CWF19L2: variants seen among roughly 807,000 people sequenced by gnomAD.
CWF19L2 encodes CWF19-like protein 2.
Under a neutral mutation model 111.7 loss-of-function variants are expected in CWF19L2, and 98 were observed. The observed-to-expected ratio is 0.88, with a 90% CI of 0.75 to 1.04. CWF19L2 has a LOEUF of 1.04. Ranked by LOEUF, CWF19L2 falls within the 50% of genes least tolerant of loss-of-function variation. CWF19L2 has a pLI of 0.00. For missense variants in CWF19L2, 1,101 were observed against 1,051.4 expected, an observed-to-expected ratio of 1.05 and a Z score of -0.65; for synonymous variants, 351 against 342.9, an observed-to-expected ratio of 1.02 and a Z score of -0.26.
chr11:107,446,918 A>G (rs1861709221), intron 3 of CWF19L2, among the ~76,000 whole-genome samples: 1 of 152,078 alleles, frequency 6.6e-6, no homozygotes, highest in Non-Finnish European at 1.5e-5. Context: ...ATTAACTATC[A>G]AGCTTAATAC....
chr11:107,344,432 T>C (rs1860048740), intron 14 of CWF19L2, among the ~76,000 whole-genome samples: 1 of 152,236 alleles, frequency 6.6e-6, no homozygotes, highest in South Asian at 2.1e-4. Context: ...TTCTCTTTGT[T>C]TTCCATTACC....
In CWF19L2 at chr11:107,416,191, CAA is replaced by C; in HGVS notation, c.1617+16_1617+17del. On this transcript the variant is annotated intron_variant, in intron 10 of 17. Coordinates refer to ENST00000282251, the MANE Select transcript of CWF19L2 (RefSeq NM_152434.3). Reference sequence around the variant, plus strand: ...GTTTACACAAGGTAATTACATTCTCCAAACTTTTATTACTTACCTCTACCCCA... The same window carrying C: ...GTTTACACAAGGTAATTACATTCTCCACTTTTATTACTTACCTCTACCCCA... The C allele has an allele frequency of 9.7e-7, 1 of 1,027,812 alleles. No homozygotes were observed. The highest frequency in any genetic ancestry group is 3.2e-5 in the East Asian group (1 of 31,660). 63.7% of individuals were successfully genotyped at this position (1,027,812 alleles called of 1,614,324 possible).
intron 4 of CWF19L2, among the ~76,000 whole-genome samples, chr11:107,441,930 C>T (rs1861624203): frequency 6.6e-6 from 1 of 152,228 alleles, no homozygotes; most frequent in African/African-American, 2.4e-5. Flanking sequence ...AGTTCCTGTT[C>T]ACCTTTCTTC....
rs528120486 is a variant in CWF19L2 at position 107,402,432 on chromosome 11, C to A, written c.1618-9537G>T. Among the ~76,000 whole-genome samples, 9 of 149,164 alleles carry A rather than the reference C, an allele frequency of 6.0e-5. No individual in the cohort carries two copies. The East Asian group carries it at 1.8e-3, about 29-fold the overall frequency. ...AAAGTGGGCTAAGGATATGAATAGACAATTCTCAAAAGGAGATATACAAAT... is the reference window on the plus strand; with the variant it reads ...AAAGTGGGCTAAGGATATGAATAGAAAATTCTCAAAAGGAGATATACAAAT... On this transcript the variant is annotated intron_variant, in intron 10 of 17. Transcript: ENST00000282251.
chr11:107,351,906 A>C (rs1860161166), intron 13 of CWF19L2, among the ~76,000 whole-genome samples: 2 of 152,232 alleles, frequency 1.3e-5, no homozygotes, highest in African/African-American at 2.4e-5. Context: ...CATACAAAAC[A>C]GAATGATTTA....
intron 10 of CWF19L2, chr11:107,403,560 C>G (rs1861036719): frequency 1.3e-6 from 1 of 794,816 alleles, no homozygotes; most frequent in African/African-American, 1.7e-5. Flanking sequence ...GACGTGCCTT[C>G]TTCACCATTC....
chr11:107,443,665 C>CG (rs972774992), intron 3 of CWF19L2, among the ~76,000 whole-genome samples: 1 of 152,162 alleles, frequency 6.6e-6, no homozygotes, highest in African/African-American at 2.4e-5. Flanking sequence ...TGACTACCAA[C>CG]GTCAAGTAGT....
At chr11:107,348,111 CA>C (rs1321643454) in intron 14 of CWF19L2, among the ~76,000 whole-genome samples, 3 of 152,172 alleles carry the variant, frequency 2.0e-5, no homozygotes, top group African/African-American at 7.2e-5. Context: ...ACTTTGACAG[CA>C]AAAACTTTAA....
chr11:107,350,205 A>C (rs1321283460), intron 13 of CWF19L2, among the ~76,000 whole-genome samples: 1 of 152,168 alleles, frequency 6.6e-6, no homozygotes, highest in African/African-American at 2.4e-5. Flanking sequence ...TTGGCTGATC[A>C]ATAATTACTG....
chr11:107,392,270 A>G (rs1860859851), intron 11 of CWF19L2, among the ~76,000 whole-genome samples: 1 of 152,222 alleles, frequency 6.6e-6, no homozygotes, highest in African/African-American at 2.4e-5. Flanking sequence ...AGAAAGCTGA[A>G]TATGTTGTTT....
chr11:107,334,823 A>G, intron 16 of CWF19L2, 58 bp downstream of exon 16: 1 of 1,081,224 alleles, frequency 9.2e-7, no homozygotes, highest in Non-Finnish European at 1.4e-6. Context: ...AGACATGGAA[A>G]TTAATAAAGA....
intron 10 of CWF19L2, chr11:107,403,566 C>T (rs572820360): frequency 2.1e-5 from 17 of 793,890 alleles, no homozygotes; most frequent in Non-Finnish European, 3.7e-5. Flanking sequence ...CCTTCTTCAC[C>T]ATTCTGTTGA....
intron 12 of CWF19L2, among the ~76,000 whole-genome samples, chr11:107,358,424 G>A (rs1011569998): frequency 9.2e-5 from 14 of 151,672 alleles, no homozygotes; most frequent in African/African-American, 2.4e-4. Flanking sequence ...ATTCAAAGTT[G>A]TCCTGGGCCA....
At chr11:107,341,842 C>A (rs570546235) in intron 14 of CWF19L2, among the ~76,000 whole-genome samples, 1 of 152,004 alleles carries the variant, frequency 6.6e-6, no homozygotes, top group Non-Finnish European at 1.5e-5. Flanking sequence ...GGAACTGGTC[C>A]ATTACATCCA....
intron 12 of CWF19L2, among the ~76,000 whole-genome samples, chr11:107,382,707 A>G (rs750262204): frequency 6.6e-6 from 1 of 152,230 alleles, no homozygotes; most frequent in African/African-American, 2.4e-5. Context: ...TTCCTGATTC[A>G]TAACTCCCAT....
At chr11:107,387,052 CAAA>C (rs57294810) in intron 12 of CWF19L2, among the ~76,000 whole-genome samples, 2 of 122,460 alleles carry the variant, frequency 1.6e-5, no homozygotes, top group Admixed American at 8.5e-5. Flanking sequence ...GACCCCGTCT[CAAA>C]AAAAAAAAAA....
At chr11:107,332,752 T>C (rs1467155485) in intron 16 of CWF19L2, among the ~76,000 whole-genome samples, 10 of 152,160 alleles carry the variant, frequency 6.6e-5, no homozygotes, top group Non-Finnish European at 1.5e-4. Context: ...AACCAAAAAG[T>C]GACCTCCTTT....
chr11:107,453,467 T>C (rs76125169), intron 3 of CWF19L2, among the ~76,000 whole-genome samples: 6 of 152,102 alleles, frequency 3.9e-5, no homozygotes, highest in East Asian at 1.9e-4. Context: ...ATCTTGCATC[T>C]TGAATACCAG....
rs1472012541 is a variant in CWF19L2 at position 107,428,789 on chromosome 11, G to A, written c.1433+10C>T. ...ATCTTAACTTATTAGGTTAAAAAATGATAAAATACCCAGCAAATGTAGACT... is the reference window on the plus strand; with the variant it reads ...ATCTTAACTTATTAGGTTAAAAAATAATAAAATACCCAGCAAATGTAGACT... On this transcript the variant is annotated intron_variant, in intron 8 of 17. Coordinates refer to ENST00000282251, the MANE Select transcript of CWF19L2 (RefSeq NM_152434.3). 3 of 1,584,836 alleles carry A rather than the reference G, an allele frequency of 1.9e-6. No homozygotes were observed. The highest frequency in any genetic ancestry group is 2.6e-6 in the Non-Finnish European group (3 of 1,167,640).
Sources: allele counts gnomAD v4.1 joint callset (sites outside exome capture counted in the v4.1 genomes callset), GRCh38; gene constraint gnomAD v4.1.1; transcripts MANE v1.5; gene names NCBI Gene and HGNC (gene_info 2026-07-23, HGNC 2026-07-21).